The following DPP10 variants were observed in gnomAD, a reference collection of about 807,000 sequenced individuals.
The protein encoded by DPP10 is dipeptidyl peptidase like 10, also known as inactive dipeptidyl peptidase 10.
In DPP10, 33 loss-of-function variants were observed where a neutral mutation model predicts 120.9. That is an observed-to-expected ratio of 0.27 (90% CI 0.21 to 0.37). DPP10 has a LOEUF of 0.37. DPP10 is among the 10% of genes least tolerant of loss of function. The probability of loss-of-function intolerance (pLI) is 1.00; values close to 1 mark genes in which losing one functional copy is unlikely to be tolerated. For missense variants in DPP10, 816 were observed against 942.8 expected, an observed-to-expected ratio of 0.87 and a Z score of 1.76; for synonymous variants, 337 against 326.1, an observed-to-expected ratio of 1.03 and a Z score of -0.36.
At chr2:115,468,407 A>G (rs375940159) in intron 3 of DPP10, 24 of 489,738 alleles carry the variant, frequency 4.9e-5, no homozygotes, top group African/African-American at 2.9e-4. Context: ...TTCAGGAGCC[A>G]CAGCTTCTAG....
chr2:115,330,970 T>G (rs947102097), intron 2 of DPP10, among the ~76,000 whole-genome samples: 4 of 152,184 alleles, frequency 2.6e-5, no homozygotes, highest in African/African-American at 9.6e-5. Context: ...AAGAAAGTCA[T>G]TGGTAACTTG....
intron 1 of DPP10, among the ~76,000 whole-genome samples, chr2:115,043,141 T>C (rs1416288938): frequency 2.0e-5 from 3 of 152,070 alleles, no homozygotes; most frequent in East Asian, 1.9e-4. Flanking sequence ...AGCCAAACTA[T>C]TTTTTTAGAG....
chr2:114,747,795 T>C (rs1431180980), intron 1 of DPP10, among the ~76,000 whole-genome samples: 2 of 152,228 alleles, frequency 1.3e-5, no homozygotes, highest in Admixed American at 6.5e-5. Flanking sequence ...AAAATACTTA[T>C]TTGAACTTTG....
intron 3 of DPP10, among the ~76,000 whole-genome samples, chr2:115,472,491 C>A (rs2074795649): frequency 1.3e-5 from 2 of 151,974 alleles, no homozygotes; most frequent in Admixed American, 1.3e-4. Flanking sequence ...TTTTTTATTT[C>A]TTCACACTGA....
chr2:115,383,022 C>G (rs1306893920), intron 3 of DPP10, among the ~76,000 whole-genome samples: 1 of 152,184 alleles, frequency 6.6e-6, no homozygotes, highest in Non-Finnish European at 1.5e-5. Flanking sequence ...TTCAATTTCT[C>G]ATTATCTTCA....
At chr2:115,534,727 A>G (rs1395778261) in intron 5 of DPP10, among the ~76,000 whole-genome samples, 2 of 149,782 alleles carry the variant, frequency 1.3e-5, no homozygotes, top group Non-Finnish European at 3.0e-5. Context: ...AGTCCCACCA[A>G]CAGTGTAAAA....
intron 4 of DPP10, among the ~76,000 whole-genome samples, chr2:115,501,508 C>T (rs557958019): frequency 1.3e-5 from 2 of 152,098 alleles, no homozygotes; most frequent in African/African-American, 2.4e-5. Context: ...CTACATTAGC[C>T]GTGACTCTTA....
chr2:115,535,654 G>T (rs368832976), intron 5 of DPP10, among the ~76,000 whole-genome samples: 28 of 149,706 alleles, frequency 1.9e-4, no homozygotes, highest in South Asian at 6.4e-4. Flanking sequence ...GTGAAGAAAG[G>T]CATTGGTAGC....
chr2:115,243,771 C>CTT (rs2058396290), intron 1 of DPP10, among the ~76,000 whole-genome samples: 3 of 114,284 alleles, frequency 2.6e-5, no homozygotes, highest in Admixed American at 2.6e-4. Flanking sequence ...TTTTTTTAAA[C>CTT]TATTTTTTTT....
chr2:115,319,478 T>C (rs1574407832), intron 2 of DPP10, among the ~76,000 whole-genome samples: 1 of 152,188 alleles, frequency 6.6e-6, no homozygotes. Flanking sequence ...TTAATTCTTC[T>C]AAATGTTAGA....
At chr2:114,998,810 C>T (rs939906223) in intron 1 of DPP10, among the ~76,000 whole-genome samples, 2 of 152,118 alleles carry the variant, frequency 1.3e-5, no homozygotes, top group Non-Finnish European at 2.9e-5. Context: ...AGCAGGTTAG[C>T]GCTGCCCCTG....
At chr2:115,449,162 C>T (rs1375585982) in intron 3 of DPP10, among the ~76,000 whole-genome samples, 1 of 152,028 alleles carries the variant, frequency 6.6e-6, no homozygotes, top group African/African-American at 2.4e-5. Flanking sequence ...AAAAATTGTA[C>T]ATTTTTAAAC....
At chr2:114,795,402 A>G (rs1394473971) in intron 1 of DPP10, among the ~76,000 whole-genome samples, 1 of 152,058 alleles carries the variant, frequency 6.6e-6, no homozygotes, top group Non-Finnish European at 1.5e-5. Flanking sequence ...GAGGCAGGAG[A>G]ATCGCTTGAA....
chr2:114,780,843 G>A (rs937194877), intron 1 of DPP10, among the ~76,000 whole-genome samples: 1 of 152,036 alleles, frequency 6.6e-6, no homozygotes, highest in African/African-American at 2.4e-5. Context: ...TGCACATGTT[G>A]AGAATGAATA....
At chr2:115,805,909 C>T (rs1052783190) in intron 19 of DPP10, among the ~76,000 whole-genome samples, 39 of 152,064 alleles carry the variant, frequency 2.6e-4, no homozygotes, top group Non-Finnish European at 1.2e-4. Flanking sequence ...GTACTCTCAC[C>T]GCATTATGAT....
intron 1 of DPP10, among the ~76,000 whole-genome samples, chr2:114,905,981 A>G (rs903633308): frequency 2.6e-5 from 4 of 152,226 alleles, no homozygotes; most frequent in African/African-American, 7.2e-5. Flanking sequence ...CATGTTAACT[A>G]CACATAGGAT....
chr2:115,606,522 G>C (rs1354098868), intron 5 of DPP10, among the ~76,000 whole-genome samples: 3 of 152,272 alleles, frequency 2.0e-5, no homozygotes, highest in South Asian at 2.1e-4. Context: ...GAGAGCTGGA[G>C]TGTTGAATCT....
chr2:114,917,834 A>C (rs2106636097), intron 1 of DPP10, among the ~76,000 whole-genome samples: 1 of 152,260 alleles, frequency 6.6e-6, no homozygotes, highest in East Asian at 1.9e-4. Flanking sequence ...TTAAACATAA[A>C]ACCTAAAAGT....
chr2:115,094,077 G>C (rs1281359653), intron 1 of DPP10, among the ~76,000 whole-genome samples: 1 of 152,054 alleles, frequency 6.6e-6, no homozygotes, highest in Non-Finnish European at 1.5e-5. Flanking sequence ...GGGGCATCTA[G>C]TAACTTTGAG....
Sources: gnomAD v4.1 joint callset for allele counts (sites outside exome capture counted in the v4.1 genomes callset) on GRCh38, gnomAD v4.1.1 for gene constraint, MANE v1.5 for transcripts, NCBI Gene and HGNC (gene_info 2026-07-23, HGNC 2026-07-21) for gene names.